Variants in MTAP observed in about 807,000 individuals in gnomAD.
The protein encoded by MTAP is methylthioadenosine phosphorylase, also known as S-methyl-5'-thioadenosine phosphorylase.
A neutral mutation model predicts 33.6 loss-of-function variants in MTAP; 33 were observed. That is an observed-to-expected ratio of 0.98 (90% confidence interval 0.74 to 1.31). MTAP has a LOEUF of 1.31. Among genes scored for constraint, MTAP ranks in the 40% most tolerant of loss-of-function variants. The pLI is 0.00. For synonymous variants in MTAP, 148 were observed against 125.7 expected, an observed-to-expected ratio of 1.18 and a Z score of -1.19; for missense variants, 367 against 360.0, an observed-to-expected ratio of 1.02 and a Z score of -0.16.
intron 1 of MTAP, among the ~76,000 whole-genome samples, chr9:21,907,093 G>A (rs1335576118): frequency 1.3e-5 from 2 of 152,214 alleles, no homozygotes; most frequent in Admixed American, 6.5e-5. Context: ...GAAATAGCAT[G>A]TGATGACAAA....
chr9:21,932,235 T>TGG (rs1818972769), downstream of MTAP: 2 of 152,228 alleles, frequency 1.3e-5, no homozygotes, highest in Admixed American at 1.3e-4. Flanking sequence ...CCATAATTAT[T>TGG]CCTGGGCTTA....
At chr9:21,819,141 T>C (rs1240578070) in intron 4 of MTAP, among the ~76,000 whole-genome samples, 2 of 149,678 alleles carry the variant, frequency 1.3e-5, no homozygotes, top group East Asian at 1.9e-4. Flanking sequence ...CATTTTCTTT[T>C]TTTTTTTTTT....
intron 5 of MTAP, among the ~76,000 whole-genome samples, chr9:21,844,922 C>G (rs1383985441): frequency 6.6e-6 from 1 of 152,038 alleles, no homozygotes; most frequent in Admixed American, 6.5e-5. Flanking sequence ...GTCCCAGCTA[C>G]TCGGGAGGCC....
rs1818586910 is a variant in MTAP at position 21,912,013 on chromosome 9, AT to A, written c.148-18994del. Among the ~76,000 whole-genome samples, 3 of 152,232 alleles carry A rather than the reference AT, an allele frequency of 2.0e-5. No homozygotes were observed. The South Asian group carries it at 6.2e-4, about 32-fold the overall frequency. On this transcript the variant is annotated intron_variant, in intron 1 of 1. Transcript: ENST00000577563. ...GAATACTATAAACACCTCTACGCAAATAAACTAGAAAATCTAGAAGAAATGG... is the reference window on the plus strand; with the variant it reads ...GAATACTATAAACACCTCTACGCAAAAAACTAGAAAATCTAGAAGAAATGG...
In MTAP at chr9:21,854,721, G is replaced by A; in HGVS notation, c.541G>A (p.Ala181Thr). 1 of 1,614,124 alleles carries A rather than the reference G, an allele frequency of 6.2e-7. No individual in the cohort carries two copies. Among genetic ancestry groups the A allele is most frequent in the Non-Finnish European group, 8.5e-7 (1 of 1,179,976 alleles). ...CGAGGGACCTCGTTTTAGCTCCCGG[G>A]CAGAAAGCTTCATGTTCCGCACCTG... ...TIEGPRFSSRAESFMFRTWGA... is the reference protein window; with the variant it reads ...TIEGPRFSSRTESFMFRTWGA... The change falls in exon 6 of 8, where the codon GCA becomes ACA. Residue 181 changes from alanine to threonine, a missense_variant. Transcript: ENST00000644715.
At chr9:21,871,696 C>G (rs7032492), downstream of MTAP, among the ~76,000 whole-genome samples, 1,401 of 152,234 alleles carry the variant, frequency 9.2e-3, 16 homozygotes, top group African/African-American at 0.032. Flanking sequence ...CACCTCAAAT[C>G]CCTTCTTCCC....
chr9:21,825,388 T>G (rs980604358), intron 4 of MTAP, among the ~76,000 whole-genome samples: 2 of 152,244 alleles, frequency 1.3e-5, no homozygotes, highest in Non-Finnish European at 2.9e-5. Flanking sequence ...TTATACACTC[T>G]GAGATGGGAT....
At chr9:21,924,716 C>T (rs1818839844) in intron 1 of MTAP, among the ~76,000 whole-genome samples, 1 of 151,886 alleles carries the variant, frequency 6.6e-6, no homozygotes, top group South Asian at 2.1e-4. Context: ...AGTCTCCTGG[C>T]CCTGGAGCCT....
At chr9:21,849,748 G>A (rs1438989566) in intron 5 of MTAP, among the ~76,000 whole-genome samples, 1 of 152,194 alleles carries the variant, frequency 6.6e-6, no homozygotes, top group Non-Finnish European at 1.5e-5. Context: ...CTCCCATTTG[G>A]CCCATACAGA....
chr9:21,869,356 C>T (rs1825901369), downstream of MTAP, among the ~76,000 whole-genome samples: 1 of 152,248 alleles, frequency 6.6e-6, no homozygotes. Flanking sequence ...TCCTATCAGC[C>T]GCATTTGATA....
intron 4 of MTAP, among the ~76,000 whole-genome samples, chr9:21,818,605 G>A (rs1403181062): frequency 1.3e-5 from 2 of 152,158 alleles, no homozygotes; most frequent in African/African-American, 2.4e-5. Context: ...GATTACAGGC[G>A]TGAGCCACTG....
At chr9:21,873,878 C>T (rs1002092025) in intron 1 of MTAP, among the ~76,000 whole-genome samples, 1 of 151,946 alleles carries the variant, frequency 6.6e-6, no homozygotes, top group African/African-American at 2.4e-5. Context: ...AGGACATGTT[C>T]TTGGTTTAAT....
intron 1 of MTAP, among the ~76,000 whole-genome samples, chr9:21,924,415 G>T (rs947621221): frequency 6.6e-6 from 1 of 152,200 alleles, no homozygotes; most frequent in African/African-American, 2.4e-5. Flanking sequence ...CAGGAATCTT[G>T]ACCAGAAAGT....
intron 1 of MTAP, among the ~76,000 whole-genome samples, chr9:21,918,071 GCC>G (rs1491380984): frequency 1.7e-5 from 2 of 116,594 alleles, no homozygotes; most frequent in African/African-American, 1.0e-4. Flanking sequence ...TGATTAATGG[GCC>G]GGGCGCGGTG....
chr9:21,821,526 C>G (rs1317932673), intron 4 of MTAP, among the ~76,000 whole-genome samples: 1 of 152,164 alleles, frequency 6.6e-6, no homozygotes, highest in South Asian at 2.1e-4. Flanking sequence ...ATTCAGTTTG[C>G]CAGTATTTTA....
intron 5 of MTAP, among the ~76,000 whole-genome samples, chr9:21,849,410 A>G (rs772097453): frequency 1.3e-5 from 2 of 152,168 alleles, no homozygotes; most frequent in Non-Finnish European, 2.9e-5. Context: ...AAGTCAGGTA[A>G]TTAATGGAGT....
chr9:21,856,724 A>T (rs973951637), intron 6 of MTAP, among the ~76,000 whole-genome samples: 3 of 152,242 alleles, frequency 2.0e-5, no homozygotes, highest in Non-Finnish European at 4.4e-5. Flanking sequence ...GCTTGAAGAC[A>T]GTGTTAAATG....
chr9:21,828,488 A>T (rs139327476), intron 4 of MTAP, among the ~76,000 whole-genome samples: 131 of 152,292 alleles, frequency 8.6e-4, no homozygotes, highest in South Asian at 7.1e-3. Flanking sequence ...AGCCTGGTCA[A>T]CATGGTGAAA....
chr9:21,924,638 G>A (rs1818838069), intron 1 of MTAP, among the ~76,000 whole-genome samples: 1 of 152,176 alleles, frequency 6.6e-6, no homozygotes, highest in Non-Finnish European at 1.5e-5. Flanking sequence ...TTTACCCAGG[G>A]CTCAAGCCCT....
Sources: allele counts gnomAD v4.1 joint callset (sites outside exome capture counted in the v4.1 genomes callset), GRCh38; gene constraint gnomAD v4.1.1; transcripts MANE v1.5; gene names NCBI Gene and HGNC (gene_info 2026-07-23, HGNC 2026-07-21).